The following SYNJ2 variants were observed in gnomAD, a reference collection of about 807,000 sequenced individuals.
SYNJ2 encodes the protein synaptojanin 2, also known as polyphosphatidylinositol phosphatase SYNJ2.
In SYNJ2, 116 loss-of-function variants were observed where a neutral mutation model predicts 141.3. The observed-to-expected ratio is 0.82, with a 90% CI of 0.71 to 0.96. SYNJ2 has a LOEUF of 0.96. Among genes scored for constraint, SYNJ2 ranks in the 40% least tolerant of loss-of-function variants. The pLI is 0.00. For missense variants in SYNJ2, 1,873 were observed against 1,934.8 expected (o/e 0.97, Z 0.60); for synonymous variants, 745 against 777.7 (o/e 0.96, Z 0.70).
At chr6:158,033,145 C>T (rs554920785) in intron 3 of SYNJ2, among the ~76,000 whole-genome samples, 44 of 152,306 alleles carry the variant, frequency 2.9e-4, no homozygotes, top group African/African-American at 9.9e-4. Context: ...GAAAAGTGCA[C>T]GCTGGCTCAC....
chr6:158,084,222 C>G lies in SYNJ2; in HGVS notation c.3208+48C>G. On this transcript the variant is annotated intron_variant, in intron 22 of 26. Transcript: ENST00000355585. This position sits in a 1 kb window ranked among gnomAD's most constrained non-coding sequence, Gnocchi z 5.0. ...AGGAGCCTCAGCGATGGAGTCAGCT[C>G]AGGACAGACTTTCCTTTTTCTCTTG... 1 of 1,579,654 alleles carries G rather than the reference C, an allele frequency of 6.3e-7. No individual in the cohort carries two copies. Among genetic ancestry groups the G allele is most frequent in the South Asian group, 1.1e-5 (1 of 88,862 alleles).
intron 1 of SYNJ2, among the ~76,000 whole-genome samples, chr6:157,983,630 G>T (rs912646493): frequency 6.6e-6 from 1 of 152,142 alleles, no homozygotes; most frequent in African/African-American, 2.4e-5. Flanking sequence ...ATTTAAAAAT[G>T]ATTAATGACA....
chr6:157,985,839 G>C (rs1777181412), intron 1 of SYNJ2, among the ~76,000 whole-genome samples: 1 of 152,216 alleles, frequency 6.6e-6, no homozygotes, highest in Non-Finnish European at 1.5e-5. Flanking sequence ...TGGGGCAGGA[G>C]ACTTGAGAGA....
At chr6:158,086,025 G>A (rs1344933305) in intron 22 of SYNJ2, among the ~76,000 whole-genome samples, 1 of 152,226 alleles carries the variant, frequency 6.6e-6, no homozygotes, top group African/African-American at 2.4e-5. Context: ...AACTAATAGC[G>A]CAACACGGGA....
Position 158,068,681 on chromosome 6 carries a change from G to A in SYNJ2, c.1752G>A (p.Gly584=), listed in dbSNP as rs61740186. 164 of 1,614,252 alleles carry A rather than the reference G, an allele frequency of 1.0e-4. 1 individual carries two copies. The Middle Eastern group carries it at 2.0e-3, about 19-fold the overall frequency. ...GCCCAGCTGACATATTTGCTGTGGG[G>A]TTTGAAGAGATGGTGGAATTGAGCG... ...DSSPADIFAV[G]FEEMVELSAG... The change falls in exon 13 of 27, where the codon GGG becomes GGA. Residue 584 remains glycine (G), a synonymous_variant. Transcript: ENST00000355585.
At chr6:157,981,613 G>A (rs1187712200), upstream of SYNJ2, among the ~76,000 whole-genome samples, 3 of 151,934 alleles carry the variant, frequency 2.0e-5, no homozygotes, top group Non-Finnish European at 4.4e-5. The surrounding 1 kb of genome is among the most constrained non-coding windows in gnomAD (Gnocchi z 6.4). Flanking sequence ...CCCCGCGCGG[G>A]GCATCCTCCT....
At chr6:158,063,755 C>T (rs1781377697) in intron 8 of SYNJ2, 36 bp from the exon 9 acceptor site, 1 of 1,454,288 alleles carries the variant, frequency 6.9e-7, no homozygotes, top group Admixed American at 1.8e-5. Context: ...TCTTTGAAAA[C>T]AACATATAAC....
intron 23 of SYNJ2, among the ~76,000 whole-genome samples, chr6:158,088,119 T>C (rs350290): frequency 0.68 from 94,324 of 138,484 alleles, 33,110 homozygotes; most frequent in African/African-American, 0.89. Flanking sequence ...AGTGCAGTGG[T>C]GCGATCTCAC....
chr6:158,065,014 C>T (rs755951764), intron 11 of SYNJ2, 23 bp downstream of exon 11: 72 of 1,516,158 alleles, frequency 4.7e-5, no homozygotes, highest in East Asian at 1.5e-4. Context: ...GCAGACAGGG[C>T]GAGGCAGGGA....
In SYNJ2 at chr6:158,084,138, G is replaced by T. The variant is rs1364177489; in HGVS notation, c.3172G>T (p.Ala1058Ser). 6 of 1,613,988 alleles carry T rather than the reference G, an allele frequency of 3.7e-6. No homozygotes were observed. In the Admixed American group the frequency reaches 1.0e-4, roughly 27 times the overall value. The change falls in exon 22 of 27, where the codon GCT becomes TCT. Residue 1058 changes from alanine to serine, a missense_variant. By Grantham distance (99) the Ala-to-Ser change is moderately conservative. Transcript: ENST00000355585. The surrounding 1 kb of genome is among the most constrained non-coding windows in gnomAD (Gnocchi z 5.0). ...ACTGGCTCCTCCCAGCAAGTCACCT[G>T]CTCTCACCAAAAAGAAGCAGCATCC... ...TALAPPSKSP[A>S]LTKKKQHPTY...
At chr6:158,054,513 C>T (rs2128355587) in intron 5 of SYNJ2, among the ~76,000 whole-genome samples, 1 of 152,242 alleles carries the variant, frequency 6.6e-6, no homozygotes, top group East Asian at 1.9e-4. Context: ...ATAAATAGTT[C>T]TATTAATAAT....
chr6:158,015,768 T>C (rs769464656), intron 1 of SYNJ2, among the ~76,000 whole-genome samples: 9 of 152,242 alleles, frequency 5.9e-5, no homozygotes, highest in Non-Finnish European at 1.0e-4. Flanking sequence ...ATTGCTATAC[T>C]ATAACATTTT....
intron 2 of SYNJ2, among the ~76,000 whole-genome samples, chr6:158,025,674 C>T (rs776779382): frequency 1.0e-4 from 15 of 150,632 alleles, no homozygotes; most frequent in Middle Eastern, 3.6e-3. Context: ...AAAAAATAGC[C>T]GGGCGTGGTG....
chr6:158,066,733 C>A, intron 12 of SYNJ2, 98 bp downstream of exon 12: 1 of 1,382,212 alleles, frequency 7.2e-7, no homozygotes, highest in Non-Finnish European at 1.0e-6. Flanking sequence ...GGAATTTCAT[C>A]TTTGGTGTCT....
At chr6:158,091,990 A>G (rs1783489448) in intron 25 of SYNJ2, among the ~76,000 whole-genome samples, 1 of 151,864 alleles carries the variant, frequency 6.6e-6, no homozygotes, top group African/African-American at 2.4e-5. Flanking sequence ...TGTGATGAAA[A>G]TGTTCTGGAG....
Position 157,982,308 on chromosome 6 carries a change from C to A in SYNJ2, c.127+220C>A, listed in dbSNP as rs909949929. ...CGGTGGCGCACGGAGGCCGGCCGCC[C>A]CTCCACGGGGATCTCCGGCCCGCGC... On this transcript the variant is annotated intron_variant, in intron 1 of 26. Coordinates refer to ENST00000355585, the MANE Select transcript of SYNJ2 (RefSeq NM_003898.4). This position sits in a 1 kb window ranked among gnomAD's most constrained non-coding sequence, Gnocchi z 4.0. Among the ~76,000 whole-genome samples, 2 of 152,200 alleles carry A rather than the reference C, an allele frequency of 1.3e-5. No individual in the cohort carries two copies. Among genetic ancestry groups the A allele is most frequent in the Non-Finnish European group, 2.9e-5 (2 of 68,034 alleles).
chr6:157,987,446 G>C (rs1021667838), intron 1 of SYNJ2, among the ~76,000 whole-genome samples: 1 of 152,028 alleles, frequency 6.6e-6, no homozygotes, highest in African/African-American at 2.4e-5. Context: ...TCTCACCCAG[G>C]CTGGAGTGCA....
intron 1 of SYNJ2, among the ~76,000 whole-genome samples, chr6:158,006,034 G>T (rs1437400126): frequency 1.3e-5 from 2 of 152,088 alleles, no homozygotes; most frequent in African/African-American, 4.8e-5. Flanking sequence ...GGCTGCATTG[G>T]TCCTGACCTC....
At chr6:158,088,586 T>G in intron 23 of SYNJ2, 74 bp from the exon 24 acceptor site, 1 of 1,110,742 alleles carries the variant, frequency 9.0e-7, no homozygotes, top group Non-Finnish European at 1.4e-6. Flanking sequence ...CCTCGTCTAG[T>G]CGGGCTCCTG....
Sources: allele counts gnomAD v4.1 joint callset (sites outside exome capture counted in the v4.1 genomes callset), GRCh38; gene constraint gnomAD v4.1.1; non-coding constraint Gnocchi (gnomAD v3.1); transcripts MANE v1.5; gene names NCBI Gene and HGNC (gene_info 2026-07-23, HGNC 2026-07-21).